Variants in SHISA9 observed in about 807,000 individuals in gnomAD.
The protein encoded by SHISA9 is shisa family member 9, also known as protein shisa-9.
Under a neutral mutation model 38.0 loss-of-function variants are expected in SHISA9, and 13 were observed. That is an observed-to-expected ratio of 0.34 (90% CI 0.22 to 0.54). The LOEUF (loss-of-function observed/expected upper bound fraction) is 0.54. Among genes scored for constraint, SHISA9 ranks in the 20% least tolerant of loss-of-function variants. The pLI is 0.91. For missense variants in SHISA9, 538 were observed against 575.8 expected, an observed-to-expected ratio of 0.93 and a Z score of 0.67; for synonymous variants, 275 against 242.0, an observed-to-expected ratio of 1.14 and a Z score of -1.27.
At chr16:13,243,443 TG>T (rs1322095062), downstream of SHISA9, among the ~76,000 whole-genome samples, 1 of 151,900 alleles carries the variant, frequency 6.6e-6, no homozygotes, top group Admixed American at 6.6e-5. Flanking sequence ...CAACTCAAAG[TG>T]GGGGGGCTTC....
chr16:12,912,679 G>A (rs1418135117), intron 1 of SHISA9, among the ~76,000 whole-genome samples: 2 of 152,072 alleles, frequency 1.3e-5, no homozygotes, highest in Non-Finnish European at 2.9e-5. Flanking sequence ...CCTGCTTATT[G>A]CACGGAGGTT....
the SHISA9 span, among the ~76,000 whole-genome samples, chr16:13,558,929 T>G: frequency 6.6e-6 from 1 of 152,246 alleles, no homozygotes; most frequent in South Asian, 2.1e-4. Context: ...TCACGAGTAT[T>G]GATTCGGGGG....
the SHISA9 span, among the ~76,000 whole-genome samples, chr16:13,342,334 C>A: frequency 6.6e-6 from 1 of 152,104 alleles, no homozygotes. Flanking sequence ...AGAGTCCAAG[C>A]TGGAGTGCAG....
At chr16:13,403,099 G>A in the SHISA9 span, among the ~76,000 whole-genome samples, 40 of 142,710 alleles carry the variant, frequency 2.8e-4, no homozygotes, top group African/African-American at 7.8e-4. Flanking sequence ...GTGAGACTCC[G>A]TCTCAAAAAC....
At chr16:13,343,021 T>C in the SHISA9 span, among the ~76,000 whole-genome samples, 1 of 152,242 alleles carries the variant, frequency 6.6e-6, no homozygotes, top group Non-Finnish European at 1.5e-5. Flanking sequence ...AGAGTTAATA[T>C]ATGCAAAATG....
chr16:13,097,023 T>C (rs929596548), intron 2 of SHISA9, among the ~76,000 whole-genome samples: 8 of 152,134 alleles, frequency 5.3e-5, no homozygotes, highest in African/African-American at 1.4e-4. Flanking sequence ...TTATTTTCTC[T>C]CTCCCCAACT....
chr16:13,290,742 A>C, the SHISA9 span, among the ~76,000 whole-genome samples: 1 of 152,252 alleles, frequency 6.6e-6, no homozygotes, highest in East Asian at 1.9e-4. Context: ...GAGCTTGGGA[A>C]GGCATGAGCT....
chr16:13,138,341 C>T (rs2050368492), intron 2 of SHISA9, among the ~76,000 whole-genome samples: 1 of 152,126 alleles, frequency 6.6e-6, no homozygotes, highest in South Asian at 2.1e-4. Flanking sequence ...CCTTCCTTTC[C>T]TAGAATAGGT....
At chr16:13,333,940 G>A in the SHISA9 span, among the ~76,000 whole-genome samples, 5 of 152,284 alleles carry the variant, frequency 3.3e-5, no homozygotes, top group Admixed American at 2.0e-4. Context: ...GCTCCAGACT[G>A]TCTCTGTTGT....
At chr16:13,504,893 G>T in the SHISA9 span, among the ~76,000 whole-genome samples, 2 of 152,152 alleles carry the variant, frequency 1.3e-5, no homozygotes, top group African/African-American at 4.8e-5. Flanking sequence ...TCAGAACCTT[G>T]ATCTAAGGTC....
At chr16:13,300,904 C>T in the SHISA9 span, among the ~76,000 whole-genome samples, 1 of 151,146 alleles carries the variant, frequency 6.6e-6, no homozygotes, top group Non-Finnish European at 1.5e-5. Context: ...TCTCCCCTCT[C>T]TTCCTCTCCC....
chr16:12,906,709 A>C (rs2071099672), intron 1 of SHISA9, among the ~76,000 whole-genome samples: 1 of 152,188 alleles, frequency 6.6e-6, no homozygotes, highest in African/African-American at 2.4e-5. Flanking sequence ...ACCTTGAAAA[A>C]TCATAACATA....
intron 2 of SHISA9, among the ~76,000 whole-genome samples, chr16:13,156,933 A>T (rs977536587): frequency 1.3e-5 from 2 of 152,068 alleles, no homozygotes; most frequent in Non-Finnish European, 2.9e-5. Context: ...GAAGAAACAC[A>T]TTTACTGAGT....
chr16:12,902,384 G>GAA lies in SHISA9; in HGVS notation c.320_321insAA (p.Cys107Ter). 1 of 1,551,230 alleles carries GAA rather than the reference G, an allele frequency of 6.4e-7. No homozygotes were observed. The highest frequency in any genetic ancestry group is 8.7e-7 in the Non-Finnish European group (1 of 1,146,988). Residue 107 changes from cysteine to a stop codon, truncating the protein, a stop_gained and frameshift_variant, in exon 1 of 5, where the codon TGC becomes TGAAC. Transcript: ENST00000558583. LOFTEE classifies it high-confidence loss of function. ...FCCGTCGFRFCCTFKKRRLNQ... is the reference protein window; with the variant it reads ...FCCGTCGFRF ...TGCGGGACTTGTGGCTTCCGGTTCT[G>GAA]CTGCACGTTTAAGAAGCGGCGACTG... is the stretch of plus-strand genomic sequence containing the variant.
the SHISA9 span, among the ~76,000 whole-genome samples, chr16:13,393,325 T>C: frequency 6.6e-6 from 1 of 152,212 alleles, no homozygotes; most frequent in African/African-American, 2.4e-5. Flanking sequence ...GAGCCCAGCA[T>C]TTTCACTTTG....
At chr16:13,415,106 C>A in the SHISA9 span, among the ~76,000 whole-genome samples, 1 of 152,246 alleles carries the variant, frequency 6.6e-6, no homozygotes, top group Non-Finnish European at 1.5e-5. Context: ...GGGCTACAAT[C>A]GATTTACACC....
At chr16:13,379,329 C>A in the SHISA9 span, among the ~76,000 whole-genome samples, 1 of 152,222 alleles carries the variant, frequency 6.6e-6, no homozygotes, top group African/African-American at 2.4e-5. Flanking sequence ...AAAATGCTTG[C>A]TCTCTCTGAT....
chr16:13,461,605 TC>T, the SHISA9 span, among the ~76,000 whole-genome samples: 1 of 143,896 alleles, frequency 6.9e-6, no homozygotes, highest in African/African-American at 2.6e-5. Context: ...TTATAGACTT[TC>T]TTTTTTTTTT....
intron 2 of SHISA9, among the ~76,000 whole-genome samples, chr16:13,019,288 C>G (rs995992588): frequency 1.3e-5 from 2 of 152,142 alleles, no homozygotes; most frequent in African/African-American, 4.8e-5. Context: ...ACGTGAGCCA[C>G]CACGCTTGGC....
Sources: gnomAD v4.1 joint callset for allele counts (sites outside exome capture counted in the v4.1 genomes callset) on GRCh38, gnomAD v4.1.1 for gene constraint, MANE v1.5 for transcripts, NCBI Gene and HGNC (gene_info 2026-07-23, HGNC 2026-07-21) for gene names.